The following CENPP variants were observed in gnomAD, a reference collection of about 807,000 sequenced individuals.
CENPP encodes the protein centromere protein P.
Under a neutral mutation model 35.6 loss-of-function variants are expected in CENPP, and 24 were observed. The observed-to-expected ratio is 0.67, with a 90% CI of 0.49 to 0.95. The LOEUF (loss-of-function observed/expected upper bound fraction) is 0.95. Among genes scored for constraint, CENPP ranks in the 40% least tolerant of loss-of-function variants. CENPP has a pLI of 0.00. For synonymous variants in CENPP, 120 were observed against 125.5 expected, an observed-to-expected ratio of 0.96 and a Z score of 0.29; for missense variants, 332 against 345.3, an observed-to-expected ratio of 0.96 and a Z score of 0.31.
intron 4 of CENPP, 31 bp from the exon 5 acceptor site, chr9:92,379,732 T>C: frequency 6.9e-7 from 1 of 1,450,552 alleles, no homozygotes; most frequent in Non-Finnish European, 9.7e-7. Flanking sequence ...TTAATGATAT[T>C]TATTAATCAG....
intron 5 of CENPP, among the ~76,000 whole-genome samples, chr9:92,594,360 G>C (rs915480032): frequency 6.6e-6 from 1 of 152,178 alleles, no homozygotes; most frequent in African/African-American, 2.4e-5. Context: ...AGGTGGCCCA[G>C]CTGCTGCTTC....
intron 5 of CENPP, among the ~76,000 whole-genome samples, chr9:92,528,774 G>T (rs539798133): frequency 9.2e-5 from 14 of 152,242 alleles, no homozygotes; most frequent in Admixed American, 6.5e-4. Flanking sequence ...GAATTAAACT[G>T]CGTACAATAA....
At chr9:92,523,324 T>C (rs1045145726) in intron 5 of CENPP, among the ~76,000 whole-genome samples, 2 of 152,206 alleles carry the variant, frequency 1.3e-5, no homozygotes, top group African/African-American at 4.8e-5. Context: ...TAGTAAATAT[T>C]TGAGGCGTCA....
chr9:92,476,966 T>C lies in CENPP; in HGVS notation c.564+97107T>C, dbSNP rs1019220319. Among the ~76,000 whole-genome samples, 16 of 152,260 alleles carry C rather than the reference T, an allele frequency of 1.1e-4. No homozygotes were observed. Among genetic ancestry groups the C allele is most frequent in the African/African-American group, 3.6e-4 (15 of 41,476 alleles). ...CTAACCAGTATACAAATTACTGTTC[T>C]GTACACATCTGTACATAAAGAAGCA... is the stretch of plus-strand genomic sequence containing the variant. On this transcript the variant is annotated intron_variant, in intron 5 of 7. Transcript: ENST00000375587. This position sits in a 1 kb window ranked among gnomAD's most constrained non-coding sequence, Gnocchi z 4.1.
intron 5 of CENPP, chr9:92,502,409 T>C: frequency 1.4e-6 from 2 of 1,396,568 alleles, no homozygotes; most frequent in Non-Finnish European, 2.0e-6. Flanking sequence ...CCCTTCAGTA[T>C]CGTCACCTCC....
chr9:92,616,426 G>C lies in CENPP; in HGVS notation c.*3277G>C, dbSNP rs1411130118. 5.7e-6 allele frequency: 1 copy of C among 174,110 alleles called. No homozygotes were observed. Among genetic ancestry groups the C allele is most frequent in the African/African-American group, 2.4e-5 (1 of 42,038 alleles). The allele number at this position is 174,110 out of a possible 1,614,324, so 10.8% of individuals were successfully genotyped here. A position where few individuals can be genotyped will look rare whatever the true frequency, so the allele number is the denominator to read the frequency against. On this transcript the variant is annotated 3_prime_UTR_variant, in exon 8 of 8. Coordinates refer to ENST00000375587, the MANE Select transcript of CENPP (RefSeq NM_001012267.3). ...TGAGCGATGTTCCCCCAGCCCAGTGGTATAAACGAACGCTGAAAAATCACT... is the reference window on the plus strand; with the variant it reads ...TGAGCGATGTTCCCCCAGCCCAGTGCTATAAACGAACGCTGAAAAATCACT...
At chr9:92,500,379 C>G (rs1211450900) in intron 5 of CENPP, among the ~76,000 whole-genome samples, 1 of 152,202 alleles carries the variant, frequency 6.6e-6, no homozygotes, top group Non-Finnish European at 1.5e-5. Context: ...AACGAGGTTT[C>G]ACCATGTTGG....
intron 4 of CENPP, among the ~76,000 whole-genome samples, chr9:92,354,942 G>A (rs572747697): frequency 1.4e-3 from 219 of 152,242 alleles, no homozygotes; most frequent in African/African-American, 4.7e-3. Context: ...AGGGGAGGGG[G>A]TATAAGAACA....
intron 5 of CENPP, among the ~76,000 whole-genome samples, chr9:92,534,823 C>T (rs73522343): frequency 0.012 from 1,758 of 152,278 alleles, 43 homozygotes; most frequent in African/African-American, 0.04. Flanking sequence ...CTCTGCAATG[C>T]ATGAAATGTA....
In CENPP at chr9:92,613,735, G is replaced by C. The variant is rs1296885215; in HGVS notation, c.*586G>C. The stretch of plus-strand genomic sequence containing the variant: ...CAGCTTAATAACAAGAATGGCCTAA[G>C]ACAGCAAAGACAGCACTGTTCCTGG... On this transcript the variant is annotated 3_prime_UTR_variant, in exon 8 of 8. Coordinates refer to ENST00000375587, the MANE Select transcript of CENPP (RefSeq NM_001012267.3). The C allele has an allele frequency of 6.4e-6, 1 of 156,340 alleles. No homozygotes were observed. Among genetic ancestry groups the C allele is most frequent in the African/African-American group, 2.4e-5 (1 of 41,462 alleles). The allele number at this position is 156,340 out of a possible 1,614,324, so 9.7% of individuals were successfully genotyped here. A position where few individuals can be genotyped will look rare whatever the true frequency, so the allele number is the denominator to read the frequency against.
intron 4 of CENPP, 143 bp downstream of exon 4, chr9:92,345,930 C>T: frequency 1.8e-6 from 1 of 562,234 alleles, no homozygotes; most frequent in African/African-American, 1.9e-5. Flanking sequence ...ATATTTGAGC[C>T]CATATTCTCT....
rs1841766082 is a variant in CENPP at position 92,361,991 on chromosome 9, C to T, written c.467+16204C>T. Among the ~76,000 whole-genome samples, 4 of 152,076 alleles carry T rather than the reference C, an allele frequency of 2.6e-5. No homozygotes were observed. In the South Asian group the frequency reaches 8.3e-4, roughly 32 times the overall value. On this transcript the variant is annotated intron_variant, in intron 4 of 7. Coordinates refer to ENST00000375587, the MANE Select transcript of CENPP (RefSeq NM_001012267.3). ...GCAGTGAGCTGACATTGTGCCACTG[C>T]ACTCCAGCCTGGGTGACAGAGCAAG...
chr9:92,391,793 T>G (rs575468890), intron 5 of CENPP, among the ~76,000 whole-genome samples: 11 of 152,280 alleles, frequency 7.2e-5, no homozygotes, highest in African/African-American at 2.4e-4. Flanking sequence ...AATTCAAATT[T>G]TTTGCCACTC....
At position 92,366,626 on chromosome 9, in the gene CENPP, G is replaced by A. The variant is rs574550793; in HGVS notation, c.468-13137G>A. ...TTGTGGTCTTTTTCTTTTTAAAAAG[G>A]CATTATTTTTAAAATAAAACACAGA... On this transcript the variant is annotated intron_variant, in intron 4 of 7. Transcript: ENST00000375587. 4.6e-5 allele frequency among the ~76,000 whole-genome samples: 7 copies of A among 152,072 alleles called. No individual in the cohort carries two copies. The East Asian group carries it at 1.4e-3, about 29-fold the overall frequency.
chr9:92,400,497 C>T (rs145349173), intron 5 of CENPP, among the ~76,000 whole-genome samples: 179 of 152,248 alleles, frequency 1.2e-3, no homozygotes, highest in African/African-American at 4.0e-3. Flanking sequence ...TCATACTTCT[C>T]GCTTTTTAAG....
At chr9:92,362,364 CT>C (rs1339346726) in intron 4 of CENPP, among the ~76,000 whole-genome samples, 3 of 151,994 alleles carry the variant, frequency 2.0e-5, no homozygotes, top group Non-Finnish European at 4.4e-5. Flanking sequence ...AGATTTGTCT[CT>C]AAAAAAAAAG....
chr9:92,541,975 A>T (rs1849329155), intron 5 of CENPP, among the ~76,000 whole-genome samples: 1 of 151,906 alleles, frequency 6.6e-6, no homozygotes, highest in Non-Finnish European at 1.5e-5. Flanking sequence ...TGTATTTTTA[A>T]TAGAGATGGG....
At chr9:92,532,063 G>A (rs1269222953) in intron 5 of CENPP, among the ~76,000 whole-genome samples, 1 of 98,986 alleles carries the variant, frequency 1.0e-5, no homozygotes, top group African/African-American at 5.0e-5. Flanking sequence ...GTCTCACTAT[G>A]TTGCCTGGGC....
At chr9:92,352,533 A>ATG (rs2130817335) in intron 4 of CENPP, among the ~76,000 whole-genome samples, 1 of 119,154 alleles carries the variant, frequency 8.4e-6, no homozygotes, top group East Asian at 2.1e-4. Flanking sequence ...ATATATATAT[A>ATG]TATATAATAT....
Sources: gnomAD v4.1 joint callset for allele counts (sites outside exome capture counted in the v4.1 genomes callset) on GRCh38, gnomAD v4.1.1 for gene constraint, Gnocchi (gnomAD v3.1) non-coding constraint, MANE v1.5 for transcripts, NCBI Gene and HGNC (gene_info 2026-07-23, HGNC 2026-07-21) for gene names.